The following PRELID2 variants were observed in gnomAD, a reference collection of about 807,000 sequenced individuals.
PRELID2 encodes the protein PRELI domain-containing protein 2.
Under a neutral mutation model 28.4 loss-of-function variants are expected in PRELID2, and 25 were observed. The observed-to-expected ratio is 0.88, with a 90% confidence interval of 0.64 to 1.23. The LOEUF (loss-of-function observed/expected upper bound fraction) is 1.23, where lower values mean the gene tolerates loss of function less well. PRELID2 is among the 50% of genes most tolerant of loss of function. The probability of loss-of-function intolerance (pLI) is 0.00; values close to 1 mark genes in which losing one functional copy is unlikely to be tolerated. For missense variants in PRELID2, 201 were observed against 214.4 expected (o/e 0.94, Z 0.39); for synonymous variants, 76 against 71.6 (o/e 1.06, Z -0.31).
At chr5:145,459,848 C>T in the PRELID2 span, among the ~76,000 whole-genome samples, 5 of 147,206 alleles carry the variant, frequency 3.4e-5, no homozygotes, top group Admixed American at 6.8e-5. Context: ...CTTTCTCTGT[C>T]GCCCAGGCTG....
chr5:145,382,711 C>G, the PRELID2 span, among the ~76,000 whole-genome samples: 4 of 151,950 alleles, frequency 2.6e-5, no homozygotes, highest in Admixed American at 2.6e-4. Flanking sequence ...AAAATGCTGT[C>G]TCTTAAGGAT....
the PRELID2 span, among the ~76,000 whole-genome samples, chr5:145,374,636 T>C: frequency 6.6e-6 from 1 of 152,124 alleles, no homozygotes; most frequent in Non-Finnish European, 1.5e-5. Flanking sequence ...ACAGCTTTGG[T>C]CTTTTTATGA....
chr5:145,722,403 G>A (rs1035359316), intron 1 of PRELID2, among the ~76,000 whole-genome samples: 15 of 152,130 alleles, frequency 9.9e-5, no homozygotes, highest in Admixed American at 4.6e-4. Flanking sequence ...AGGTTATAGC[G>A]ATTCTCCTGT....
At position 145,507,335 on chromosome 5, in the gene PRELID2, A is replaced by G. The variant is rs146964170; in HGVS notation, n.71-34020T>C. On this transcript the variant is annotated intron_variant and non_coding_transcript_variant, in intron 1 of 2. Transcript: ENST00000510259. ...CCTAAGCCTTAGTATTATTATCTATAAAATGGGGGGGAAAAACTGCAGATT... is the reference window on the plus strand; with the variant it reads ...CCTAAGCCTTAGTATTATTATCTATGAAATGGGGGGGAAAAACTGCAGATT... Among the ~76,000 whole-genome samples, 239 of 152,266 alleles carry G rather than the reference A, an allele frequency of 1.6e-3. 1 individual carries two copies. Among genetic ancestry groups the G allele is most frequent in the African/African-American group, 5.5e-3 (229 of 41,548 alleles).
At chr5:145,461,802 G>T in the PRELID2 span, among the ~76,000 whole-genome samples, 1 of 152,164 alleles carries the variant, frequency 6.6e-6, no homozygotes, top group Admixed American at 6.5e-5. Context: ...GGATGCAAAT[G>T]ATATTAAAAT....
chr5:145,517,351 G>T (rs6859387), intron 1 of PRELID2, among the ~76,000 whole-genome samples: 1 of 151,882 alleles, frequency 6.6e-6, no homozygotes, highest in Non-Finnish European at 1.5e-5. Flanking sequence ...GACACTTCTC[G>T]AAAGAAGACA....
At chr5:145,400,973 TCTGGTGGGTGTAATTA>T in the PRELID2 span, among the ~76,000 whole-genome samples, 2 of 152,064 alleles carry the variant, frequency 1.3e-5, no homozygotes, top group Non-Finnish European at 1.5e-5. Context: ...TTCACCACTG[TCTGGTGGGTGTAATTA>T]CCACCAGACA....
chr5:145,810,207 T>C (rs1490698001), intron 4 of PRELID2, among the ~76,000 whole-genome samples: 1 of 152,240 alleles, frequency 6.6e-6, no homozygotes, highest in Non-Finnish European at 1.5e-5. Flanking sequence ...CTGACTTTAA[T>C]TTTTTCCTCT....
chr5:145,351,977 G>T, the PRELID2 span, among the ~76,000 whole-genome samples: 1 of 152,164 alleles, frequency 6.6e-6, no homozygotes, highest in African/African-American at 2.4e-5. Flanking sequence ...TCATGGCATT[G>T]GGCATCTCCA....
At chr5:145,649,018 A>G (rs923698903) in intron 1 of PRELID2, among the ~76,000 whole-genome samples, 1 of 152,116 alleles carries the variant, frequency 6.6e-6, no homozygotes, top group African/African-American at 2.4e-5. Context: ...ATGCAGTACA[A>G]TCAGGCCTCC....
chr5:145,342,284 TGACA>T, the PRELID2 span, among the ~76,000 whole-genome samples: 86 of 152,214 alleles, frequency 5.6e-4, 1 homozygote, highest in African/African-American at 2.0e-3. Context: ...AGCAAAAGGA[TGACA>T]TTTACTATCA....
At chr5:145,253,966 T>A in the PRELID2 span, among the ~76,000 whole-genome samples, 1 of 152,018 alleles carries the variant, frequency 6.6e-6, no homozygotes, top group African/African-American at 2.4e-5. Context: ...AAAAAGATAA[T>A]AATAGGAGGT....
the PRELID2 span, among the ~76,000 whole-genome samples, chr5:145,405,970 G>C: frequency 6.6e-6 from 1 of 152,072 alleles, no homozygotes. Context: ...CTCCCAAAGT[G>C]CTGGGGTTAC....
chr5:145,689,645 A>G (rs1419200927), intron 1 of PRELID2, among the ~76,000 whole-genome samples: 1 of 152,220 alleles, frequency 6.6e-6, no homozygotes, highest in Non-Finnish European at 1.5e-5. Context: ...GGATAGGACC[A>G]AACTGAGAGC....
intron 1 of PRELID2, among the ~76,000 whole-genome samples, chr5:145,505,784 G>A (rs1233078045): frequency 6.6e-6 from 1 of 152,184 alleles, no homozygotes; most frequent in Non-Finnish European, 1.5e-5. Flanking sequence ...TAAAGAAAAT[G>A]TGGTGTATAC....
At chr5:145,579,384 T>C (rs1486968611) in intron 1 of PRELID2, among the ~76,000 whole-genome samples, 4 of 152,130 alleles carry the variant, frequency 2.6e-5, no homozygotes, top group Non-Finnish European at 5.9e-5. Context: ...TATATGGTTC[T>C]GGTTATGTCA....
At chr5:145,527,979 A>G (rs1752623467) in intron 1 of PRELID2, among the ~76,000 whole-genome samples, 1 of 151,900 alleles carries the variant, frequency 6.6e-6, no homozygotes, top group African/African-American at 2.4e-5. Flanking sequence ...TTTAACCATA[A>G]TTACTCTCAT....
chr5:145,781,662 CTA>C (rs975490345), intron 5 of PRELID2, among the ~76,000 whole-genome samples: 13 of 145,204 alleles, frequency 9.0e-5, no homozygotes, highest in African/African-American at 2.0e-4. Flanking sequence ...TATATACACA[CTA>C]TATATATACA....
chr5:145,817,344 A>G (rs559670143), intron 4 of PRELID2, among the ~76,000 whole-genome samples: 2 of 143,646 alleles, frequency 1.4e-5, no homozygotes, highest in Non-Finnish European at 3.1e-5. Flanking sequence ...CCATCTGTCT[A>G]TCAAAAAAGT....
Sources: allele counts gnomAD v4.1 joint callset (sites outside exome capture counted in the v4.1 genomes callset), GRCh38; gene constraint gnomAD v4.1.1; transcripts MANE v1.5; gene names NCBI Gene and HGNC (gene_info 2026-07-23, HGNC 2026-07-21).